ADCY2: variants seen among roughly 807,000 people sequenced by gnomAD.
The protein encoded by ADCY2 is adenylate cyclase 2.
A neutral mutation model predicts 125.2 loss-of-function variants in ADCY2; 31 were observed. The observed-to-expected ratio is 0.25, with a 90% confidence interval of 0.19 to 0.33. ADCY2 has a LOEUF of 0.33. Among genes scored for constraint, ADCY2 ranks in the 10% least tolerant of loss-of-function variants. The probability of loss-of-function intolerance (pLI) is 1.00; values close to 1 mark genes in which losing one functional copy is unlikely to be tolerated. For synonymous variants in ADCY2, 512 were observed against 548.4 expected, an observed-to-expected ratio of 0.93 and a Z score of 0.93; for missense variants, 904 against 1,418.2, an observed-to-expected ratio of 0.64 and a Z score of 5.82.
chr5:7,396,231 G>T lies in ADCY2; in HGVS notation c.-66G>T, dbSNP rs1285280535. 1 of 910,086 alleles carries T rather than the reference G, an allele frequency of 1.1e-6. No homozygotes were observed. The highest frequency in any genetic ancestry group is 1.3e-6 in the Non-Finnish European group (1 of 764,448). 56.4% of individuals were successfully genotyped at this position (910,086 alleles called of 1,614,324 possible). ...CGAGGCGGCGCGGGGGTGGGACGCG[G>T]GCGGCCGCGGCGAGCGGCGCTGCCC... On this transcript the variant is annotated 5_prime_UTR_variant, in exon 1 of 25. Transcript: ENST00000338316. The surrounding 1 kb of genome is among the most constrained non-coding windows in gnomAD (Gnocchi z 5.7).
chr5:7,723,694 G>T (rs549770669), intron 12 of ADCY2, among the ~76,000 whole-genome samples: 1 of 151,972 alleles, frequency 6.6e-6, no homozygotes, highest in African/African-American at 2.4e-5. Context: ...AGACTGAGGC[G>T]CGTGGACCAC....
At chr5:7,826,623 G>C (rs1745487403) in intron 24 of ADCY2, 96 bp from the exon 25 acceptor site, 1 of 1,526,516 alleles carries the variant, frequency 6.6e-7, no homozygotes, top group Non-Finnish European at 9.1e-7. Flanking sequence ...CTGGGTCAAA[G>C]AGCATGGTGC....
At chr5:7,427,418 G>A (rs529846676) in intron 2 of ADCY2, among the ~76,000 whole-genome samples, 196 of 152,172 alleles carry the variant, frequency 1.3e-3, no homozygotes, top group Non-Finnish European at 2.4e-3. Context: ...AAGAAGCAAG[G>A]CACCTTCTTC....
At chr5:7,418,990 C>G (rs1342930944) in intron 2 of ADCY2, among the ~76,000 whole-genome samples, 4 of 152,068 alleles carry the variant, frequency 2.6e-5, no homozygotes, top group Admixed American at 6.5e-5. Context: ...TATGTATACC[C>G]CTTAATTAGC....
intron 16 of ADCY2, among the ~76,000 whole-genome samples, chr5:7,766,277 A>C (rs1743374271): frequency 6.6e-6 from 1 of 152,110 alleles, no homozygotes; most frequent in Admixed American, 6.5e-5. Context: ...TGACTCATTT[A>C]ATGTTTGAGC....
intron 4 of ADCY2, among the ~76,000 whole-genome samples, chr5:7,631,880 A>C (rs1300709104): frequency 6.6e-6 from 1 of 151,886 alleles, no homozygotes; most frequent in Non-Finnish European, 1.5e-5. Context: ...TCTTTTACCA[A>C]CCCCATCTCT....
chr5:7,589,456 G>GA lies in ADCY2; in HGVS notation c.571-36706dup, dbSNP rs561342689. Among the ~76,000 whole-genome samples, 11 of 22,296 alleles carry GA rather than the reference G, an allele frequency of 4.9e-4. 1 individual carries two copies. The highest frequency in any genetic ancestry group is 4.6e-3 in the South Asian group (3 of 656). The allele number at this position is 22,296 out of a possible 152,430, so 14.6% of individuals were successfully genotyped here. A position where few individuals can be genotyped will look rare whatever the true frequency, so the allele number is the denominator to read the frequency against. On this transcript the variant is annotated intron_variant, in intron 3 of 24. Coordinates refer to ENST00000338316, the MANE Select transcript of ADCY2 (RefSeq NM_020546.3). Reference sequence around the variant, plus strand: ...GGATAGAAAGAAAGAAAGAAGGAAAGAAAAAGAAAGAAAGAAAGAAAGAAA... The same window carrying GA: ...GGATAGAAAGAAAGAAAGAAGGAAAGAAAAAAGAAAGAAAGAAAGAAAGAAA...
At chr5:7,406,384 C>A (rs1739490716) in intron 1 of ADCY2, among the ~76,000 whole-genome samples, 1 of 152,140 alleles carries the variant, frequency 6.6e-6, no homozygotes, top group African/African-American at 2.4e-5. Flanking sequence ...GCCATCTACC[C>A]AGCCACCTCA....
chr5:7,805,792 ACATTCATG>A (rs1159561335), intron 22 of ADCY2, among the ~76,000 whole-genome samples: 1 of 152,206 alleles, frequency 6.6e-6, no homozygotes, highest in African/African-American at 2.4e-5. Flanking sequence ...TTCCCGCTTA[ACATTCATG>A]CATTCATGGG....
At chr5:7,816,384 T>C (rs1006342034) in intron 22 of ADCY2, among the ~76,000 whole-genome samples, 1 of 152,216 alleles carries the variant, frequency 6.6e-6, no homozygotes, top group Non-Finnish European at 1.5e-5. Flanking sequence ...GCCTCCTCCC[T>C]GCTCTCTTTT....
chr5:7,607,968 A>G (rs1045421511), intron 3 of ADCY2, among the ~76,000 whole-genome samples: 1 of 152,106 alleles, frequency 6.6e-6, no homozygotes, highest in African/African-American at 2.4e-5. Context: ...GGGAGAGGTC[A>G]CTCTTCTGAA....
intron 1 of ADCY2, among the ~76,000 whole-genome samples, chr5:7,414,079 A>G (rs2126329528): frequency 6.6e-6 from 1 of 152,284 alleles, no homozygotes; most frequent in Admixed American, 6.5e-5. Context: ...TTAACCTATG[A>G]TCCCATCAAA....
intron 19 of ADCY2, among the ~76,000 whole-genome samples, chr5:7,786,180 C>T (rs987355110): frequency 2.0e-5 from 3 of 152,094 alleles, no homozygotes; most frequent in Admixed American, 6.5e-5. Context: ...TATAAGACAC[C>T]GTGGGAAATA....
At chr5:7,607,933 C>T (rs1294558740) in intron 3 of ADCY2, among the ~76,000 whole-genome samples, 1 of 152,144 alleles carries the variant, frequency 6.6e-6, no homozygotes, top group African/African-American at 2.4e-5. Flanking sequence ...GGAGACCTGT[C>T]AACACAGGTA....
rs1185666082 is a variant in ADCY2 at position 7,552,877 on chromosome 5, C to T, written c.570+31978C>T. On this transcript the variant is annotated intron_variant, in intron 3 of 24. Transcript: ENST00000338316. The stretch of plus-strand genomic sequence containing the variant: ...TGATAATACATTATTTATTATTACT[C>T]TTTTTAAGTGGGAGGACCTTCTATG... Among the ~76,000 whole-genome samples the T allele has an allele frequency of 2.6e-5, 4 of 152,096 alleles. No homozygotes were observed. The South Asian group carries it at 6.2e-4, about 24-fold the overall frequency.
intron 3 of ADCY2, among the ~76,000 whole-genome samples, chr5:7,547,204 C>G (rs948384706): frequency 6.6e-6 from 1 of 152,186 alleles, no homozygotes; most frequent in Admixed American, 6.5e-5. Flanking sequence ...GGCTTTCTTA[C>G]TTGATTTATT....
chr5:7,545,038 G>C (rs775261179), intron 3 of ADCY2, among the ~76,000 whole-genome samples: 4 of 152,182 alleles, frequency 2.6e-5, no homozygotes, highest in Non-Finnish European at 5.9e-5. Context: ...CAGCGAGAGA[G>C]CGAGCATAGG....
intron 3 of ADCY2, among the ~76,000 whole-genome samples, chr5:7,570,802 T>C (rs1378147181): frequency 1.3e-5 from 2 of 152,188 alleles, no homozygotes. Context: ...TTTAACTTAA[T>C]TTCATGGGAG....
intron 2 of ADCY2, among the ~76,000 whole-genome samples, chr5:7,431,416 A>G (rs1045058707): frequency 6.6e-6 from 1 of 152,216 alleles, no homozygotes; most frequent in Non-Finnish European, 1.5e-5. Context: ...CATAGATGTA[A>G]ATTTTAGATT....
Sources: gnomAD v4.1 joint callset for allele counts (sites outside exome capture counted in the v4.1 genomes callset) on GRCh38, gnomAD v4.1.1 for gene constraint, Gnocchi (gnomAD v3.1) non-coding constraint, MANE v1.5 for transcripts, NCBI Gene and HGNC (gene_info 2026-07-23, HGNC 2026-07-21) for gene names.